Variants in AR observed in about 807,000 individuals in gnomAD.
AR encodes the protein dihydrotestosterone receptor.
In AR, 8 loss-of-function variants were observed where a neutral mutation model predicts 53.9. The ratio of observed to expected loss-of-function variants is 0.15; its 90% CI spans 0.09 to 0.27. AR has a LOEUF of 0.27. AR is among the 10% of genes least tolerant of loss of function. AR has a pLI of 1.00. For synonymous variants in AR, 359 were observed against 316.4 expected, an observed-to-expected ratio of 1.13 and a Z score of -1.43; for missense variants, 639 against 742.5, an observed-to-expected ratio of 0.86 and a Z score of 1.62.
At chrX:67,548,155 G>A (rs1041706154) in intron 1 of AR, among the ~76,000 whole-genome samples, 1 of 111,793 alleles carries the variant, frequency 8.9e-6, no homozygotes, top group African/African-American at 3.3e-5. Context: ...CTTAAATCCA[G>A]CAATTTGCCT....
chrX:67,707,681 C>A (rs192818545), intron 3 of AR, among the ~76,000 whole-genome samples: 20 of 111,814 alleles, frequency 1.8e-4, no homozygotes, highest in Non-Finnish European at 3.6e-4. Flanking sequence ...TTGATCCTGT[C>A]ATTGTGATGT....
intron 3 of AR, among the ~76,000 whole-genome samples, chrX:67,709,735 G>A (rs113907706): frequency 5.4e-5 from 6 of 112,087 alleles, no homozygotes; most frequent in African/African-American, 1.3e-4. Flanking sequence ...CGTCACTCAC[G>A]CTGGGAGCTG....
chrX:67,681,923 A>C (rs370309367), intron 2 of AR, among the ~76,000 whole-genome samples: 1 of 112,443 alleles, frequency 8.9e-6, no homozygotes, highest in Non-Finnish European at 1.9e-5. Context: ...GAATGCAAGG[A>C]TGGTTCAACA....
chrX:67,613,078 A>G (rs959607937), intron 1 of AR, among the ~76,000 whole-genome samples: 10 of 112,135 alleles, frequency 8.9e-5, no homozygotes, highest in African/African-American at 3.2e-4. Flanking sequence ...AGTCAAGAAT[A>G]CAGGGATCCT....
intron 5 of AR, among the ~76,000 whole-genome samples, chrX:67,720,659 T>A (rs1419543184): frequency 9.0e-6 from 1 of 111,571 alleles, no homozygotes; most frequent in Non-Finnish European, 1.9e-5. Flanking sequence ...CCCTCTTCTC[T>A]CTTTCTCCAG....
intron 3 of AR, among the ~76,000 whole-genome samples, chrX:67,702,729 T>G (rs1004715575): frequency 8.9e-6 from 1 of 112,310 alleles, no homozygotes; most frequent in African/African-American, 3.2e-5. Flanking sequence ...TGCAGTGATT[T>G]ATTGGGTGAC....
chrX:67,701,254 G>A (rs554162371), intron 3 of AR, among the ~76,000 whole-genome samples: 28 of 111,197 alleles, frequency 2.5e-4, no homozygotes, highest in African/African-American at 3.6e-4. Flanking sequence ...CTAAACTTAC[G>A]TAGCCCACAT....
chrX:67,630,467 C>CT (rs1443683502), intron 1 of AR, among the ~76,000 whole-genome samples: 9 of 110,215 alleles, frequency 8.2e-5, no homozygotes, highest in South Asian at 3.9e-4. Context: ...TAACCCCTGC[C>CT]TTTTTTTTGT....
At chrX:67,637,034 T>A (rs1194577536) in intron 1 of AR, among the ~76,000 whole-genome samples, 2 of 111,918 alleles carry the variant, frequency 1.8e-5, no homozygotes, top group South Asian at 3.7e-4. Context: ...TTAATTAGAT[T>A]GCTTGAAAAA....
chrX:67,602,524 G>T (rs1041594325), intron 1 of AR, among the ~76,000 whole-genome samples: 1 of 112,243 alleles, frequency 8.9e-6, no homozygotes, highest in Non-Finnish European at 1.9e-5. Flanking sequence ...AGAAAGCCAC[G>T]CAGAGATTTG....
chrX:67,644,562 G>A (rs888832505), intron 2 of AR, among the ~76,000 whole-genome samples: 1 of 111,962 alleles, frequency 8.9e-6, no homozygotes, highest in African/African-American at 3.2e-5. Flanking sequence ...TCAGAATATG[G>A]AAGAAGCACC....
chrX:67,621,028 GT>G (rs1321343712), intron 1 of AR, among the ~76,000 whole-genome samples: 5 of 111,974 alleles, frequency 4.5e-5, no homozygotes, highest in Non-Finnish European at 9.4e-5. Context: ...ACTGATGATG[GT>G]TGTTATATAG....
chrX:67,721,338 C>A (rs887618224), intron 5 of AR, among the ~76,000 whole-genome samples: 1 of 112,104 alleles, frequency 8.9e-6, no homozygotes, highest in African/African-American at 3.2e-5. Flanking sequence ...AACAGGATGA[C>A]CAAACACTTC....
chrX:67,635,741 G>T (rs1925400121), intron 1 of AR, among the ~76,000 whole-genome samples: 1 of 111,229 alleles, frequency 9.0e-6, no homozygotes, highest in African/African-American at 3.3e-5. Flanking sequence ...ATTGCAAGTG[G>T]TGTTCTGGTT....
intron 1 of AR, among the ~76,000 whole-genome samples, chrX:67,635,591 A>T (rs1925394686): frequency 9.0e-6 from 1 of 110,930 alleles, no homozygotes; most frequent in Non-Finnish European, 1.9e-5. Flanking sequence ...AGGGAGAGAG[A>T]GAGAGAGAGA....
intron 2 of AR, among the ~76,000 whole-genome samples, chrX:67,671,752 A>C (rs2075866853): frequency 8.9e-6 from 1 of 112,066 alleles, no homozygotes; most frequent in African/African-American, 3.2e-5. Context: ...TAAGTCTTTA[A>C]TCCATCTTGA....
At chrX:67,699,762 A>G (rs2147511985) in intron 3 of AR, among the ~76,000 whole-genome samples, 1 of 111,216 alleles carries the variant, frequency 9.0e-6, no homozygotes, top group East Asian at 2.8e-4. Context: ...CAGAAACATC[A>G]CATCCTTGAC....
In AR at chrX:67,546,046, C is replaced by A. The variant is rs747970053; in HGVS notation, c.900C>A (p.Gly300=). The A allele has an allele frequency of 8.3e-7, 1 of 1,211,104 alleles. No individual in the cohort carries two copies. Among genetic ancestry groups the A allele is most frequent in the Non-Finnish European group, 1.1e-6 (1 of 895,417 alleles). The change falls in exon 1 of 8, where the codon GGC becomes GGA. Residue 300 remains glycine, a synonymous_variant. Transcript: ENST00000374690. ...GTTCTCTGCTAGACGACAGCGCAGGCAAGAGCACTGAAGATACTGCTGAGT... is the reference window on the plus strand; with the variant it reads ...GTTCTCTGCTAGACGACAGCGCAGGAAAGAGCACTGAAGATACTGCTGAGT... ...CKGSLLDDSA[G]KSTEDTAEYS...
At position 67,544,368 on chromosome X, in the gene AR, T is replaced by TC. The variant is rs1206223702; in HGVS notation, c.-772dup. On this transcript the variant is annotated 5_prime_UTR_variant, in exon 1 of 8. Transcript: ENST00000374690. ...CACCCCGCCTCCCCCCACCCTGCCTTCCCCCCCTCCCCCGTCTTCTCTCCC... is the reference window on the plus strand; with the variant it reads ...CACCCCGCCTCCCCCCACCCTGCCTTCCCCCCCCTCCCCCGTCTTCTCTCCC... 8 of 35,415 alleles carry TC rather than the reference T, an allele frequency of 2.3e-4. No homozygotes were observed. Among genetic ancestry groups the TC allele is most frequent in the East Asian group, 1.6e-3 (6 of 3,838 alleles). 2.9% of individuals were successfully genotyped at this position (35,415 alleles called of 1,213,427 possible).
Sources: allele counts gnomAD v4.1 joint callset (sites outside exome capture counted in the v4.1 genomes callset), GRCh38; gene constraint gnomAD v4.1.1; transcripts MANE v1.5; gene names NCBI Gene and HGNC (gene_info 2026-07-23, HGNC 2026-07-21).